The following EPN2 variants were observed in gnomAD, a reference collection of about 807,000 sequenced individuals.
The protein encoded by EPN2 is epsin-2.
EPN2 carries 34 observed loss-of-function variants against 61.7 expected under a neutral mutation model. The ratio of observed to expected loss-of-function variants is 0.55; its 90% CI spans 0.42 to 0.73. The LOEUF (loss-of-function observed/expected upper bound fraction) is 0.73, where lower values mean the gene tolerates loss of function less well. Among genes scored for constraint, EPN2 ranks in the 30% least tolerant of loss-of-function variants. The probability of loss-of-function intolerance (pLI) is 0.00; values close to 1 mark genes in which losing one functional copy is unlikely to be tolerated. For synonymous variants in EPN2, 349 were observed against 353.6 expected, an observed-to-expected ratio of 0.99 and a Z score of 0.15; for missense variants, 714 against 839.2, an observed-to-expected ratio of 0.85 and a Z score of 1.84.
intron 4 of EPN2, among the ~76,000 whole-genome samples, chr17:19,300,253 G>A (rs899427902): frequency 4.6e-5 from 7 of 152,154 alleles, no homozygotes; most frequent in African/African-American, 1.2e-4. Context: ...GTGAGACAAG[G>A]TGTCAGATCC....
intron 4 of EPN2, among the ~76,000 whole-genome samples, chr17:19,290,700 C>CA (rs757256478): frequency 7.8e-4 from 32 of 41,006 alleles, no homozygotes; most frequent in African/African-American, 2.1e-3. Context: ...TTCCCGTTCT[C>CA]AAAAAAAAAA....
chr17:19,297,007 A>C (rs1451173202), intron 4 of EPN2: 1 of 152,246 alleles, frequency 6.6e-6, no homozygotes, highest in African/African-American at 2.4e-5. Flanking sequence ...TGTGACATTG[A>C]AACAGAAGCA....
At position 19,283,771 on chromosome 17, in the gene EPN2, C is replaced by A; in HGVS notation, c.595+57C>A. 2 of 1,329,912 alleles carry A rather than the reference C, an allele frequency of 1.5e-6. No homozygotes were observed. Among genetic ancestry groups the A allele is most frequent in the Non-Finnish European group, 1.0e-6 (1 of 986,066 alleles). 82.4% of individuals were successfully genotyped at this position (1,329,912 alleles called of 1,614,324 possible). A position where few individuals can be genotyped will look rare whatever the true frequency, so the allele number is the denominator to read the frequency against. The stretch of plus-strand genomic sequence containing the variant: ...CAGAGCAGCAGCAATGGGTGACAGG[C>A]AGGGTGGGTGTCTCTGGGCTTAGGG... On this transcript the variant is annotated intron_variant, in intron 3 of 10. Transcript: ENST00000314728. The surrounding 1 kb of genome is among the most constrained non-coding windows in gnomAD (Gnocchi z 7.0).
intron 7 of EPN2, among the ~76,000 whole-genome samples, chr17:19,316,407 A>G (rs1906385119): frequency 6.6e-6 from 1 of 152,138 alleles, no homozygotes; most frequent in Non-Finnish European, 1.5e-5. Flanking sequence ...CTTGGGGAGG[A>G]GATAGGCCAC....
intron 5 of EPN2, among the ~76,000 whole-genome samples, chr17:19,310,571 CTTTTTT>C (rs71155391): frequency 4.1e-4 from 33 of 80,920 alleles, no homozygotes; most frequent in East Asian, 2.3e-3. Flanking sequence ...CTCCTTCTTT[CTTTTTT>C]TTTTTTTTTT....
intron 1 of EPN2, among the ~76,000 whole-genome samples, chr17:19,256,460 A>G (rs1476446344): frequency 6.9e-6 from 1 of 145,240 alleles, no homozygotes; most frequent in African/African-American, 2.6e-5. Flanking sequence ...AACAATTTGG[A>G]TGTGTGGCCA....
chr17:19,312,689 T>C (rs1183379513), intron 6 of EPN2, among the ~76,000 whole-genome samples: 3 of 152,184 alleles, frequency 2.0e-5, no homozygotes, highest in South Asian at 2.1e-4. Context: ...CTGGTTGATG[T>C]TGATGATCCC....
chr17:19,324,459 G>A (rs1176671428), intron 7 of EPN2, among the ~76,000 whole-genome samples: 2 of 152,094 alleles, frequency 1.3e-5, no homozygotes, highest in Non-Finnish European at 2.9e-5. Flanking sequence ...TCAGTCTCCC[G>A]AGTAGCTGGG....
intron 1 of EPN2, among the ~76,000 whole-genome samples, chr17:19,252,523 T>C (rs1278939486): frequency 6.6e-6 from 1 of 152,164 alleles, no homozygotes; most frequent in Non-Finnish European, 1.5e-5. Context: ...ATCCCAGTAT[T>C]CACTTTATTG....
At chr17:19,267,265 T>A (rs933896707) in intron 1 of EPN2, among the ~76,000 whole-genome samples, 1 of 151,980 alleles carries the variant, frequency 6.6e-6, no homozygotes, top group African/African-American at 2.4e-5. Flanking sequence ...GATGTTGGGC[T>A]TAATTTTGGA....
chr17:19,246,803 C>G (rs2044956527), intron 1 of EPN2, among the ~76,000 whole-genome samples: 1 of 130,844 alleles, frequency 7.6e-6, no homozygotes, highest in Non-Finnish European at 1.5e-5. Context: ...GAGTCTCGCT[C>G]TGTCACCCAG....
chr17:19,299,016 G>C (rs1328718834), intron 4 of EPN2, among the ~76,000 whole-genome samples: 1 of 152,150 alleles, frequency 6.6e-6, no homozygotes, highest in Non-Finnish European at 1.5e-5. Context: ...AGTGGGAAAA[G>C]TGTATGAACA....
chr17:19,290,300 C>T (rs2045450311), intron 4 of EPN2, among the ~76,000 whole-genome samples: 1 of 152,194 alleles, frequency 6.6e-6, no homozygotes, highest in South Asian at 2.1e-4. Context: ...ACCCGCCCCC[C>T]GGGCTCTTTC....
chr17:19,304,812 A>C (rs1021715272), intron 4 of EPN2, among the ~76,000 whole-genome samples: 1 of 152,146 alleles, frequency 6.6e-6, no homozygotes, highest in Admixed American at 6.5e-5. Flanking sequence ...TCTTTCCACT[A>C]TCTGGTCTTC....
chr17:19,335,601 C>T lies in EPN2; in HGVS notation c.*1347C>T. 1.2e-6 allele frequency: 1 copy of T among 821,236 alleles called. No individual in the cohort carries two copies. Among genetic ancestry groups the T allele is most frequent in the Non-Finnish European group, 1.8e-6 (1 of 554,718 alleles). 50.9% of individuals were successfully genotyped at this position (821,236 alleles called of 1,614,324 possible). Reference sequence around the variant, plus strand: ...TGCCCACGGGTCCCTGGGCAACAGTCCCTAGGCTAAGACAGGGGTGGGGGG... The same window carrying T: ...TGCCCACGGGTCCCTGGGCAACAGTTCCTAGGCTAAGACAGGGGTGGGGGG... On this transcript the variant is annotated 3_prime_UTR_variant, in exon 11 of 11. Coordinates refer to ENST00000314728, the MANE Select transcript of EPN2 (RefSeq NM_014964.5).
intron 10 of EPN2, among the ~76,000 whole-genome samples, chr17:19,332,616 C>T (rs1253682581): frequency 6.6e-6 from 1 of 152,218 alleles, no homozygotes; most frequent in Non-Finnish European, 1.5e-5. Flanking sequence ...CCCTCCTCTT[C>T]CCTTCCTGTG....
chr17:19,313,121 A>G lies in EPN2; in HGVS notation c.989A>G (p.Gln330Arg). Residue 330 changes from glutamine (Q) to arginine (R), a missense_variant, in exon 7 of 11, where the codon CAG becomes CGG. Gln to Arg is a conservative substitution (Grantham distance 43). Transcript: ENST00000314728. ...PKKKEHGSLP[Q>R]QTTLLDLMDA... ...TCTTAAAAGCATGGCTCTCTCCCACAGCAGACTACGCTGTTGGATTTAATG... is the reference window on the plus strand; with the variant it reads ...TCTTAAAAGCATGGCTCTCTCCCACGGCAGACTACGCTGTTGGATTTAATG... 2 of 1,613,876 alleles carry G rather than the reference A, an allele frequency of 1.2e-6. No homozygotes were observed. The highest frequency in any genetic ancestry group is 2.7e-5 in the African/African-American group (2 of 75,028).
In EPN2 at chr17:19,327,489, C is replaced by T. The variant is rs1370071512; in HGVS notation, c.1148-1222C>T. 2.6e-5 allele frequency among the ~76,000 whole-genome samples: 4 copies of T among 151,984 alleles called. No homozygotes were observed. In the South Asian group the frequency reaches 6.2e-4, roughly 24 times the overall value. Reference sequence around the variant, plus strand: ...GAGTTTGAGACCAGACTGGGCAACACGGTGAGACCCCATCTCGACGAAAAT... The same window carrying T: ...GAGTTTGAGACCAGACTGGGCAACATGGTGAGACCCCATCTCGACGAAAAT... On this transcript the variant is annotated intron_variant, in intron 7 of 10. Coordinates refer to ENST00000314728, the MANE Select transcript of EPN2 (RefSeq NM_014964.5).
rs368904943 is a variant in EPN2, at chr17:19,262,420, G to A, written c.-293-19535G>A. On this transcript the variant is annotated intron_variant, in intron 1 of 10. Coordinates refer to ENST00000314728, the MANE Select transcript of EPN2 (RefSeq NM_014964.5). ...TTGGACCCAGGAGGCGGAGGTTGCC[G>A]TGAGCCGAGATCACACCACTGCACT... is the stretch of plus-strand genomic sequence containing the variant. Among the ~76,000 whole-genome samples the A allele has an allele frequency of 2.6e-5, 4 of 151,428 alleles. No individual in the cohort carries two copies. In the South Asian group the frequency reaches 6.3e-4, roughly 24 times the overall value.
Sources: gnomAD v4.1 joint callset for allele counts (sites outside exome capture counted in the v4.1 genomes callset) on GRCh38, gnomAD v4.1.1 for gene constraint, Gnocchi (gnomAD v3.1) non-coding constraint, MANE v1.5 for transcripts, NCBI Gene and HGNC (gene_info 2026-07-23, HGNC 2026-07-21) for gene names.